The following STXBP4 variants were observed in gnomAD, a reference collection of about 807,000 sequenced individuals.
The protein encoded by STXBP4 is syntaxin-binding protein 4.
Under a neutral mutation model 76.1 loss-of-function variants are expected in STXBP4, and 55 were observed. The observed-to-expected ratio is 0.72, with a 90% CI of 0.58 to 0.91. The LOEUF is 0.91. STXBP4 is among the 40% of genes least tolerant of loss of function. The pLI, the probability that STXBP4 is intolerant of heterozygous loss-of-function variation, is 0.00. For missense variants in STXBP4, 618 were observed against 636.9 expected, an observed-to-expected ratio of 0.97 and a Z score of 0.32; for synonymous variants, 201 against 220.2, an observed-to-expected ratio of 0.91 and a Z score of 0.77.
In STXBP4 at chr17:55,050,493, C is replaced by T. The variant is rs117485657; in HGVS notation, c.1011+3339C>T. On this transcript the variant is annotated intron_variant, in intron 12 of 17. Coordinates refer to ENST00000376352, the MANE Select transcript of STXBP4 (RefSeq NM_178509.6). ...AATGATGACATTCATTGGGGGATGA[C>T]GGAGGACATCCCCCAATAAAAAATA... is the stretch of plus-strand genomic sequence containing the variant. Among the ~76,000 whole-genome samples the T allele has an allele frequency of 3.2e-3, 483 of 152,012 alleles. 11 individuals are homozygous for T. The highest frequency in any genetic ancestry group is 0.025 in the East Asian group (131 of 5,154).
intron 8 of STXBP4, among the ~76,000 whole-genome samples, chr17:55,020,516 T>G (rs1479579703): frequency 2.0e-5 from 3 of 152,076 alleles, no homozygotes; most frequent in African/African-American, 4.8e-5. Context: ...ATGTTGTAAA[T>G]TTTTTTTAAT....
chr17:55,088,866 A>G (rs2079373896), intron 16 of STXBP4, among the ~76,000 whole-genome samples: 1 of 152,184 alleles, frequency 6.6e-6, no homozygotes, highest in African/African-American at 2.4e-5. Context: ...TTTCCACATC[A>G]TTGCATACAT....
At chr17:55,207,300 G>A in the STXBP4 span, among the ~76,000 whole-genome samples, 1 of 152,202 alleles carries the variant, frequency 6.6e-6, no homozygotes, top group East Asian at 1.9e-4. Context: ...CTACAGGCAT[G>A]TACACCCCAA....
intron 16 of STXBP4, among the ~76,000 whole-genome samples, chr17:55,106,088 T>A (rs1485550708): frequency 3.9e-5 from 6 of 152,102 alleles, no homozygotes; most frequent in Non-Finnish European, 8.8e-5. Flanking sequence ...TGTGTGGGAG[T>A]CTAAGTCTCT....
At position 54,970,498 on chromosome 17, in the gene STXBP4, C is replaced by T. The variant is rs1281797050; in HGVS notation, c.-157+1683C>T. ...AAATACCTTCTGACTTCTTTCTATACTCTGGCATACTGTCTCAAAAATTTC... is the reference window on the plus strand; with the variant it reads ...AAATACCTTCTGACTTCTTTCTATATTCTGGCATACTGTCTCAAAAATTTC... On this transcript the variant is annotated intron_variant, in intron 1 of 17. Transcript: ENST00000376352. Among the ~76,000 whole-genome samples the T allele has an allele frequency of 5.9e-5, 9 of 152,218 alleles. No homozygotes were observed. The East Asian group carries it at 1.2e-3, about 20-fold the overall frequency.
At chr17:55,108,137 G>A (rs1388517015) in intron 16 of STXBP4, among the ~76,000 whole-genome samples, 1 of 152,220 alleles carries the variant, frequency 6.6e-6, no homozygotes, top group South Asian at 2.1e-4. Context: ...GGAATCCAGA[G>A]AGGCAGTCTG....
intron 8 of STXBP4, among the ~76,000 whole-genome samples, chr17:55,028,465 A>G (rs537420475): frequency 7.2e-5 from 11 of 152,320 alleles, no homozygotes; most frequent in African/African-American, 2.4e-4. Context: ...TATAGGTACT[A>G]TATTCATAGA....
At chr17:55,043,090 TTATC>T in intron 10 of STXBP4, 142 bp from the exon 11 acceptor site, 2 of 398,140 alleles carry the variant, frequency 5.0e-6, no homozygotes, top group East Asian at 3.7e-5. Flanking sequence ...AATATCCCCT[TTATC>T]TAATCAAATG....
chr17:55,069,166 A>T (rs549520949), intron 12 of STXBP4, among the ~76,000 whole-genome samples: 9 of 152,094 alleles, frequency 5.9e-5, no homozygotes, highest in South Asian at 2.1e-4. Context: ...AAAAAAAAAA[A>T]AAAAAATAAG....
chr17:55,007,852 G>C (rs775418725), intron 8 of STXBP4, among the ~76,000 whole-genome samples: 11 of 151,986 alleles, frequency 7.2e-5, no homozygotes, highest in Admixed American at 1.3e-4. Context: ...TTTTCTCCTC[G>C]GAGAATAAGA....
downstream of STXBP4, among the ~76,000 whole-genome samples, chr17:55,174,007 G>A (rs2080419545): frequency 1.3e-5 from 2 of 152,100 alleles, no homozygotes; most frequent in South Asian, 4.2e-4. Context: ...CATCCTCTCT[G>A]AACTTTCTTC....
chr17:55,137,884 G>T lies in STXBP4; in HGVS notation c.1490-3426G>T, dbSNP rs112308049. On this transcript the variant is annotated intron_variant, in intron 16 of 17. Coordinates refer to ENST00000376352, the MANE Select transcript of STXBP4 (RefSeq NM_178509.6). The stretch of plus-strand genomic sequence containing the variant: ...ACTGTCTCTTCACACCATCAATGCT[G>T]TGTCTAATTAAACTACTTTTTAATG... Among the ~76,000 whole-genome samples the T allele has an allele frequency of 2.2e-4, 34 of 152,222 alleles. 2 individuals are homozygous for T. The highest frequency in any genetic ancestry group is 7.7e-4 in the African/African-American group (32 of 41,548).
the STXBP4 span, among the ~76,000 whole-genome samples, chr17:55,202,918 T>C: frequency 1.3e-3 from 195 of 152,314 alleles, 4 homozygotes; most frequent in South Asian, 0.038. Flanking sequence ...AGAAAGGTCA[T>C]TCAGCATTCA....
chr17:54,995,190 C>T (rs1034143387), intron 4 of STXBP4, among the ~76,000 whole-genome samples: 4 of 152,092 alleles, frequency 2.6e-5, no homozygotes, highest in South Asian at 2.1e-4. Context: ...TGAACGGTCC[C>T]GTAGTCATTT....
At chr17:55,023,702 G>A (rs2078356282) in intron 8 of STXBP4, among the ~76,000 whole-genome samples, 1 of 151,972 alleles carries the variant, frequency 6.6e-6, no homozygotes, top group Non-Finnish European at 1.5e-5. Flanking sequence ...AAAAAAAGAA[G>A]AATGGGTGAG....
chr17:55,059,904 G>A (rs1177548529), intron 12 of STXBP4, among the ~76,000 whole-genome samples: 1 of 152,108 alleles, frequency 6.6e-6, no homozygotes, highest in Non-Finnish European at 1.5e-5. Flanking sequence ...AAAATGTGCA[G>A]TAATAAGGAG....
chr17:54,999,535 T>C, intron 5 of STXBP4, 84 bp downstream of exon 5: 1 of 1,446,090 alleles, frequency 6.9e-7, no homozygotes, highest in African/African-American at 1.4e-5. Flanking sequence ...AAGTACTTTA[T>C]AATAAGTATT....
chr17:55,206,274 G>C, the STXBP4 span, among the ~76,000 whole-genome samples: 1 of 152,132 alleles, frequency 6.6e-6, no homozygotes, highest in Non-Finnish European at 1.5e-5. Flanking sequence ...GAAAATGGCT[G>C]TGGGGTGATT....
At chr17:55,130,217 C>T (rs1434594179) in intron 16 of STXBP4, among the ~76,000 whole-genome samples, 2 of 152,190 alleles carry the variant, frequency 1.3e-5, no homozygotes, top group Non-Finnish European at 2.9e-5. Context: ...CAGCTGACAC[C>T]TTGATTTCCG....
Sources: gnomAD v4.1 joint callset for allele counts (sites outside exome capture counted in the v4.1 genomes callset) on GRCh38, gnomAD v4.1.1 for gene constraint, MANE v1.5 for transcripts, NCBI Gene and HGNC (gene_info 2026-07-23, HGNC 2026-07-21) for gene names.